OTOGL: variants seen among roughly 807,000 people sequenced by gnomAD.
OTOGL encodes otogelin-like protein.
A neutral mutation model predicts 318.5 loss-of-function variants in OTOGL; 285 were observed. The ratio of observed to expected loss-of-function variants is 0.89; its 90% confidence interval spans 0.81 to 0.99. The LOEUF is 0.99. OTOGL is among the 50% of genes least tolerant of loss of function. OTOGL has a pLI of 0.00. For synonymous variants in OTOGL, 987 were observed against 936.5 expected (o/e 1.05, Z -0.99); for missense variants, 2,899 against 2,845.6 (o/e 1.02, Z -0.43).
At chr12:80,330,554 A>G (rs1888005228) in intron 37 of OTOGL, among the ~76,000 whole-genome samples, 1 of 152,222 alleles carries the variant, frequency 6.6e-6, no homozygotes, top group African/African-American at 2.4e-5. Flanking sequence ...ATTGCTCTCT[A>G]CTTTGAGTTC....
intron 52 of OTOGL, 82 bp downstream of exon 52, chr12:80,358,982 T>G: frequency 3.5e-6 from 4 of 1,155,892 alleles, no homozygotes; most frequent in Non-Finnish European, 4.8e-6. Context: ...TTCTAAATTC[T>G]TCTTAGAGTT....
intron 54 of OTOGL, among the ~76,000 whole-genome samples, chr12:80,367,992 A>G (rs1476775057): frequency 6.6e-6 from 1 of 152,126 alleles, no homozygotes; most frequent in East Asian, 1.9e-4. Flanking sequence ...TGCTTGATGA[A>G]TTTGGCTGTT....
At chr12:80,366,340 G>A (rs1339165349) in intron 52 of OTOGL, 2 of 458,938 alleles carry the variant, frequency 4.4e-6, no homozygotes, top group East Asian at 6.8e-5. Flanking sequence ...TTTCCATGAA[G>A]CAAAGTTCCT....
intron 56 of OTOGL, among the ~76,000 whole-genome samples, chr12:80,371,325 A>G (rs772430236): frequency 6.6e-6 from 1 of 152,118 alleles, no homozygotes; most frequent in Non-Finnish European, 1.5e-5. Flanking sequence ...GAGAAATAGT[A>G]CAGTCTAGTC....
At chr12:80,120,177 G>T (rs1339967090) in intron 1 of OTOGL, among the ~76,000 whole-genome samples, 1 of 152,006 alleles carries the variant, frequency 6.6e-6, no homozygotes, top group African/African-American at 2.4e-5. Flanking sequence ...GGGGTAGCTG[G>T]GGTGATAGAT....
intron 33 of OTOGL, 88 bp from the exon 34 acceptor site, chr12:80,320,334 A>C: frequency 7.6e-7 from 1 of 1,320,448 alleles, no homozygotes; most frequent in Non-Finnish European, 1.0e-6. Context: ...GTGCAGTACT[A>C]TTTTGTTTAC....
chr12:80,300,947 A>ATATACAATATATACTGTTC (rs1885718224), intron 27 of OTOGL, among the ~76,000 whole-genome samples: 1 of 152,222 alleles, frequency 6.6e-6, no homozygotes. Context: ...ACATATGGTT[A>ATATACAATATATACTGTTC]TATACAATAT....
At chr12:80,262,956 A>C (rs1272580033) in intron 19 of OTOGL, among the ~76,000 whole-genome samples, 2 of 152,132 alleles carry the variant, frequency 1.3e-5, no homozygotes, top group Non-Finnish European at 2.9e-5. Flanking sequence ...AGAAGCCAGC[A>C]CAGTTTACGG....
At chr12:80,223,543 A>G (rs1340427359) in intron 7 of OTOGL, among the ~76,000 whole-genome samples, 1 of 152,134 alleles carries the variant, frequency 6.6e-6, no homozygotes, top group Non-Finnish European at 1.5e-5. Flanking sequence ...TTAAATTACC[A>G]ACAACCGTGT....
intron 11 of OTOGL, among the ~76,000 whole-genome samples, chr12:80,244,826 C>G (rs1432274947): frequency 1.4e-5 from 2 of 143,238 alleles, no homozygotes; most frequent in Non-Finnish European, 3.0e-5. Flanking sequence ...TCTCCAGCAC[C>G]TGTTGTTTCC....
chr12:80,358,591 T>C, intron 50 of OTOGL, 80 bp from the exon 51 acceptor site: 1 of 1,107,776 alleles, frequency 9.0e-7, no homozygotes, highest in Non-Finnish European at 1.3e-6. Context: ...ATTATTGTAA[T>C]GGCAGTGAAC....
At chr12:80,286,069 T>G (rs1375684755) in intron 26 of OTOGL, among the ~76,000 whole-genome samples, 1 of 152,192 alleles carries the variant, frequency 6.6e-6, no homozygotes, top group Non-Finnish European at 1.5e-5. Flanking sequence ...TTATTGAGTG[T>G]TTTTAGCATA....
In OTOGL at chr12:80,377,218, T is replaced by A; in HGVS notation, c.6861+16T>A. 1 of 1,568,814 alleles carries A rather than the reference T, an allele frequency of 6.4e-7. No homozygotes were observed. Among genetic ancestry groups the A allele is most frequent in the Non-Finnish European group, 8.7e-7 (1 of 1,147,826 alleles). On this transcript the variant is annotated intron_variant, in intron 58 of 58. Coordinates refer to ENST00000547103, the MANE Select transcript of OTOGL (RefSeq NM_001378609.3). ...CCAAAGCCCTGTAAGTGGAAAAATG[T>A]CATTTGCTACATAAATGCACACATC...
intron 1 of OTOGL, among the ~76,000 whole-genome samples, chr12:80,187,537 G>T (rs1446692805): frequency 6.6e-6 from 1 of 152,066 alleles, no homozygotes; most frequent in South Asian, 2.1e-4. Flanking sequence ...AATATTCTGG[G>T]GTTGTTAATT....
chr12:80,188,245 G>A (rs1230268939), intron 1 of OTOGL, among the ~76,000 whole-genome samples: 1 of 152,036 alleles, frequency 6.6e-6, no homozygotes, highest in Non-Finnish European at 1.5e-5. Flanking sequence ...GGAGGCTGCT[G>A]TTCCTTTTAA....
chr12:80,300,756 G>A (rs918072133), intron 27 of OTOGL, among the ~76,000 whole-genome samples: 5 of 152,106 alleles, frequency 3.3e-5, no homozygotes, highest in Admixed American at 1.3e-4. Flanking sequence ...AGGCCATTAC[G>A]CCAAGATCTG....
At position 80,175,140 on chromosome 12, in the gene OTOGL, G is replaced by A. The variant is rs990036824; in HGVS notation, c.-19-34273G>A. 5.7e-4 allele frequency among the ~76,000 whole-genome samples: 87 copies of A among 151,868 alleles called. 1 individual carries two copies. Among genetic ancestry groups the A allele is most frequent in the African/African-American group, 2.1e-3 (85 of 41,340 alleles). On this transcript the variant is annotated intron_variant, in intron 1 of 58. Coordinates refer to ENST00000547103, the MANE Select transcript of OTOGL (RefSeq NM_001378609.3). ...GAGATGGTAAGTCTATCATCTCTTC[G>A]CTAAATACACTCTTAATGGAAATAA... is the stretch of plus-strand genomic sequence containing the variant.
At chr12:80,163,656 C>T (rs953280563) in intron 1 of OTOGL, among the ~76,000 whole-genome samples, 1 of 152,038 alleles carries the variant, frequency 6.6e-6, no homozygotes, top group East Asian at 1.9e-4. Flanking sequence ...TAGGCTCTCT[C>T]GTGTCCTCTC....
chr12:80,193,938 A>G (rs1875871779), intron 1 of OTOGL, among the ~76,000 whole-genome samples: 1 of 152,338 alleles, frequency 6.6e-6, no homozygotes, highest in South Asian at 2.1e-4. Context: ...GACCCAGAGA[A>G]GTAGCTGTCA....
Sources: gnomAD v4.1 joint callset for allele counts (sites outside exome capture counted in the v4.1 genomes callset) on GRCh38, gnomAD v4.1.1 for gene constraint, MANE v1.5 for transcripts, NCBI Gene and HGNC (gene_info 2026-07-23, HGNC 2026-07-21) for gene names.